Variants in NWD2 observed in about 807,000 individuals in gnomAD.
The protein encoded by NWD2 is NACHT and WD repeat domain containing 2, also known as NACHT and WD repeat domain-containing protein 2.
In NWD2, 37 loss-of-function variants were observed where a neutral mutation model predicts 132.7. The observed-to-expected ratio is 0.28, with a 90% CI of 0.21 to 0.37. NWD2 has a LOEUF of 0.37. Among genes scored for constraint, NWD2 ranks in the 10% least tolerant of loss-of-function variants. The probability of loss-of-function intolerance (pLI) is 1.00; values close to 1 mark genes in which losing one functional copy is unlikely to be tolerated. For missense variants in NWD2, 1,592 were observed against 2,122.4 expected (o/e 0.75, Z 4.91); for synonymous variants, 705 against 803.0 (o/e 0.88, Z 2.06).
intron 6 of NWD2, among the ~76,000 whole-genome samples, chr4:37,442,077 A>G (rs553899014): frequency 2.6e-5 from 4 of 152,240 alleles, no homozygotes; most frequent in Non-Finnish European, 5.9e-5. Context: ...GGTTGAGGCT[A>G]AACAACAGCA....
intron 2 of NWD2, among the ~76,000 whole-genome samples, chr4:37,337,427 T>C (rs568603828): frequency 1.5e-3 from 233 of 152,280 alleles, no homozygotes; most frequent in Middle Eastern, 0.01. Flanking sequence ...GTCAGCTTCC[T>C]AGGTGTGTAA....
Position 37,244,792 on chromosome 4 carries a change from C to T in NWD2, c.-276C>T. 1 of 385,426 alleles carries T rather than the reference C, an allele frequency of 2.6e-6. No individual in the cohort carries two copies. Among genetic ancestry groups the T allele is most frequent in the South Asian group, 4.8e-5 (1 of 20,632 alleles). 23.9% of individuals were successfully genotyped at this position (385,426 alleles called of 1,614,324 possible). A position where few individuals can be genotyped will look rare whatever the true frequency, so the allele number is the denominator to read the frequency against. ...CCGCCACGCTGACCTCCCGCTCCAGCTGGCTGCTGCTCGGAGCCCTAGCAG... is the reference window on the plus strand; with the variant it reads ...CCGCCACGCTGACCTCCCGCTCCAGTTGGCTGCTGCTCGGAGCCCTAGCAG... On this transcript the variant is annotated 5_prime_UTR_variant, in exon 1 of 7. Coordinates refer to ENST00000309447, the MANE Select transcript of NWD2 (RefSeq NM_001144990.2). This position sits in a 1 kb window ranked among gnomAD's most constrained non-coding sequence, Gnocchi z 5.5.
intron 1 of NWD2, among the ~76,000 whole-genome samples, chr4:37,298,127 A>T (rs1217311913): frequency 1.3e-5 from 2 of 152,046 alleles, no homozygotes; most frequent in African/African-American, 4.8e-5. Flanking sequence ...TTCATTCCAG[A>T]TTGGGCGCTA....
At chr4:37,340,129 T>C (rs1189522701) in intron 2 of NWD2, among the ~76,000 whole-genome samples, 1 of 152,190 alleles carries the variant, frequency 6.6e-6, no homozygotes, top group African/African-American at 2.4e-5. Flanking sequence ...CATACCTCAG[T>C]TTTCTTATCT....
At chr4:37,330,703 C>T (rs1185811075) in intron 2 of NWD2, among the ~76,000 whole-genome samples, 1 of 152,164 alleles carries the variant, frequency 6.6e-6, no homozygotes, top group African/African-American at 2.4e-5. Context: ...GTCCCCAGGC[C>T]TGGAACAGAG....
intron 1 of NWD2, among the ~76,000 whole-genome samples, chr4:37,289,386 C>T (rs1273268398): frequency 6.6e-6 from 1 of 152,100 alleles, no homozygotes; most frequent in Non-Finnish European, 1.5e-5. Flanking sequence ...CATTTTTTGG[C>T]AACATTTTAT....
intron 1 of NWD2, among the ~76,000 whole-genome samples, chr4:37,248,775 C>T (rs981507802): frequency 1.3e-5 from 2 of 152,162 alleles, no homozygotes; most frequent in African/African-American, 4.8e-5. Flanking sequence ...TAGGAAGGTA[C>T]AGTCTTAACA....
intron 2 of NWD2, among the ~76,000 whole-genome samples, chr4:37,336,679 G>A (rs1170417929): frequency 1.3e-5 from 2 of 152,132 alleles, no homozygotes; most frequent in East Asian, 1.9e-4. Flanking sequence ...CATGGCTCAC[G>A]CCTGTAATCC....
Position 37,439,362 on chromosome 4 carries a change from C to A in NWD2, c.1268C>A (p.Thr423Asn). Reference protein sequence around the residue: ...IIYGGPCTGKTLLLAEVAKKA... With the variant: ...IIYGGPCTGKNLLLAEVAKKA... Reference sequence around the variant, plus strand: ...TATGGTGGGCCATGCACTGGGAAGACCCTTCTGCTAGCTGAAGTAGCAAAG... The same window carrying A: ...TATGGTGGGCCATGCACTGGGAAGAACCTTCTGCTAGCTGAAGTAGCAAAG... The change falls in exon 6 of 7, where the codon ACC becomes AAC. Residue 423 changes from threonine (T) to asparagine (N), a missense_variant. Physicochemically the swap from Thr to Asn is moderately conservative, Grantham distance 65 (BLOSUM62 0). Around this residue, in one of 7 missense-constraint regions of NWD2, gnomAD observed 1,071 missense variants for 1,398.0 expected, o/e 0.77. Coordinates refer to ENST00000309447, the MANE Select transcript of NWD2 (RefSeq NM_001144990.2). The surrounding 1 kb of genome is among the most constrained non-coding windows in gnomAD (Gnocchi z 4.5). 1 of 1,483,598 alleles carries A rather than the reference C, an allele frequency of 6.7e-7. No individual in the cohort carries two copies. The highest frequency in any genetic ancestry group is 9.0e-7 in the Non-Finnish European group (1 of 1,115,646). 91.9% of individuals were successfully genotyped at this position (1,483,598 alleles called of 1,614,324 possible). A position where few individuals can be genotyped will look rare whatever the true frequency, so the allele number is the denominator to read the frequency against.
intron 3 of NWD2, among the ~76,000 whole-genome samples, chr4:37,356,788 A>T (rs1039633858): frequency 2.0e-5 from 3 of 152,224 alleles, no homozygotes; most frequent in African/African-American, 7.2e-5. Flanking sequence ...CAGACCTACA[A>T]TAATTATCCT....
intron 1 of NWD2, among the ~76,000 whole-genome samples, chr4:37,275,607 C>G (rs939781742): frequency 2.0e-5 from 3 of 152,042 alleles, no homozygotes; most frequent in Non-Finnish European, 4.4e-5. Context: ...AAAAAAGAGC[C>G]CACATCGCCA....
At chr4:37,382,688 A>ATATTTATT (rs1055055670) in intron 3 of NWD2, among the ~76,000 whole-genome samples, 1 of 151,336 alleles carries the variant, frequency 6.6e-6, no homozygotes, top group Non-Finnish European at 1.5e-5. Flanking sequence ...TATTTTTTAT[A>ATATTTATT]TATTTATTTA....
At chr4:37,398,633 C>T (rs1189746931) in intron 3 of NWD2, among the ~76,000 whole-genome samples, 2 of 152,102 alleles carry the variant, frequency 1.3e-5, no homozygotes, top group East Asian at 3.8e-4. Context: ...AACCTTTGGC[C>T]CCTAAAAAGG....
At chr4:37,382,544 T>C (rs1720473626) in intron 3 of NWD2, among the ~76,000 whole-genome samples, 1 of 152,180 alleles carries the variant, frequency 6.6e-6, no homozygotes, top group Non-Finnish European at 1.5e-5. Context: ...TCCTCAGTGG[T>C]AATGTTCCAC....
chr4:37,320,878 T>A (rs1719054268), intron 1 of NWD2, among the ~76,000 whole-genome samples: 1 of 151,972 alleles, frequency 6.6e-6, no homozygotes, highest in Non-Finnish European at 1.5e-5. Flanking sequence ...TGAGTTTAGG[T>A]TGGGTGCACT....
intron 1 of NWD2, 100 bp downstream of exon 1, chr4:37,245,318 C>T (rs964032672): frequency 6.0e-6 from 8 of 1,322,580 alleles, no homozygotes; most frequent in African/African-American, 1.5e-5. Flanking sequence ...GCGCCCTGCG[C>T]TCCCTTCCTC....
intron 2 of NWD2, among the ~76,000 whole-genome samples, chr4:37,336,714 G>A (rs1317150292): frequency 2.0e-5 from 3 of 152,182 alleles, no homozygotes; most frequent in East Asian, 1.9e-4. Flanking sequence ...GCCGAGGCGG[G>A]TGGATCACGA....
chr4:37,297,455 T>G (rs1718519438), intron 1 of NWD2, among the ~76,000 whole-genome samples: 1 of 152,206 alleles, frequency 6.6e-6, no homozygotes, highest in Non-Finnish European at 1.5e-5. Flanking sequence ...TATCTTCATA[T>G]CCTTTGCAGC....
intron 1 of NWD2, among the ~76,000 whole-genome samples, chr4:37,318,685 A>G (rs992635866): frequency 1.3e-5 from 2 of 151,880 alleles, no homozygotes; most frequent in South Asian, 2.1e-4. Context: ...GTGAGAATAT[A>G]TGCTATTTGG....
Sources: gnomAD v4.1 joint callset for allele counts (sites outside exome capture counted in the v4.1 genomes callset) on GRCh38, gnomAD v4.1.1 for gene constraint, gnomAD v4.1.1 regional missense constraint, Gnocchi (gnomAD v3.1) non-coding constraint, MANE v1.5 for transcripts, NCBI Gene and HGNC (gene_info 2026-07-23, HGNC 2026-07-21) for gene names.